ABCB11: variants seen among roughly 807,000 people sequenced by gnomAD.
ABCB11 encodes the protein ATP binding cassette subfamily B member 11.
In ABCB11, 95 loss-of-function variants were observed where a neutral mutation model predicts 148.0. That is an observed-to-expected ratio of 0.64 (90% CI 0.54 to 0.76). The LOEUF is 0.76. ABCB11 is among the 30% of genes least tolerant of loss of function. The probability of loss-of-function intolerance (pLI) is 0.00; values close to 1 mark genes in which losing one functional copy is unlikely to be tolerated. For synonymous variants in ABCB11, 591 were observed against 555.4 expected (o/e 1.06, Z -0.90); for missense variants, 1,523 against 1,617.8 (o/e 0.94, Z 1.01).
Position 168,930,830 on chromosome 2 carries a change from A to G in ABCB11, c.3246T>C (p.Asp1082=), listed in dbSNP as rs750944055. The change falls in exon 25 of 28, where the codon GAT becomes GAC. Residue 1082 remains aspartate, a synonymous_variant. Transcript: ENST00000650372. ...GTCGAGAAGGATATGTAAATTTACA[A>G]TCAACAAAATCAATCTTCCCCTGGA... ...DNFQGKIDFV[D]CKFTYPSRPD... 10 of 1,607,218 alleles carry G rather than the reference A, an allele frequency of 6.2e-6. No individual in the cohort carries two copies. In the Admixed American group the frequency reaches 1.4e-4, roughly 22 times the overall value.
At chr2:168,993,395 T>A (rs1290178563) in intron 8 of ABCB11, among the ~76,000 whole-genome samples, 4 of 152,076 alleles carry the variant, frequency 2.6e-5, no homozygotes, top group Admixed American at 2.0e-4. Context: ...TTTAAAATGA[T>A]GTTAGTGCTC....
chr2:168,970,615 A>C (rs1048580215), intron 14 of ABCB11: 1 of 318,696 alleles, frequency 3.1e-6, no homozygotes, highest in South Asian at 2.7e-5. Flanking sequence ...TTTTTACATT[A>C]TGAATAAAAG....
At chr2:168,932,562 A>T in intron 23 of ABCB11, 29 bp from the exon 24 acceptor site, 1 of 1,609,500 alleles carries the variant, frequency 6.2e-7, no homozygotes, top group East Asian at 2.2e-5. Context: ...ACAGGAAGAG[A>T]GCAGGGTGGC....
chr2:168,983,084 CAG>C (rs1350258459), intron 10 of ABCB11, among the ~76,000 whole-genome samples: 4 of 152,134 alleles, frequency 2.6e-5, no homozygotes, highest in African/African-American at 9.7e-5. Context: ...ATTCCTACTA[CAG>C]AGAGTTACCA....
At chr2:168,982,800 A>G (rs575128246) in intron 10 of ABCB11, among the ~76,000 whole-genome samples, 44 of 151,464 alleles carry the variant, frequency 2.9e-4, no homozygotes, top group African/African-American at 1.1e-3. Flanking sequence ...GAGAGAGAGA[A>G]GAGAGAGAGA....
At chr2:169,017,928 A>T in intron 2 of ABCB11, 122 bp downstream of exon 2, 1 of 837,098 alleles carries the variant, frequency 1.2e-6, no homozygotes, top group Non-Finnish European at 2.1e-6. Flanking sequence ...AGAATCACAC[A>T]CAATGATACT....
At chr2:168,932,145 A>C (rs904605090) in intron 24 of ABCB11, among the ~76,000 whole-genome samples, 4 of 152,092 alleles carry the variant, frequency 2.6e-5, no homozygotes, top group African/African-American at 7.2e-5. Flanking sequence ...TCCTAATGCT[A>C]TCCCTCCCCT....
downstream of ABCB11, among the ~76,000 whole-genome samples, chr2:168,918,309 A>G (rs116345676): frequency 3.9e-3 from 596 of 152,358 alleles, 8 homozygotes; most frequent in Middle Eastern, 0.01. Flanking sequence ...CTCTGCCCTC[A>G]AAGACCATCA....
At chr2:168,983,863 G>A (rs1694220468) in intron 10 of ABCB11, among the ~76,000 whole-genome samples, 1 of 152,030 alleles carries the variant, frequency 6.6e-6, no homozygotes, top group African/African-American at 2.4e-5. Flanking sequence ...GATATAAAAC[G>A]ACTCCCTATT....
intron 10 of ABCB11, among the ~76,000 whole-genome samples, chr2:168,983,013 A>G (rs1432407592): frequency 6.6e-6 from 1 of 152,180 alleles, no homozygotes; most frequent in Non-Finnish European, 1.5e-5. Flanking sequence ...ATTATTTACA[A>G]AAGTAGAGTA....
intron 6 of ABCB11, among the ~76,000 whole-genome samples, chr2:168,995,781 G>A (rs921139877): frequency 6.6e-6 from 1 of 151,706 alleles, no homozygotes; most frequent in Non-Finnish European, 1.5e-5. Context: ...TGTGAAAGAA[G>A]GCTCACAGCA....
chr2:169,021,694 T>TA (rs1695544359), intron 1 of ABCB11, among the ~76,000 whole-genome samples: 2 of 152,106 alleles, frequency 1.3e-5, no homozygotes, highest in African/African-American at 2.4e-5. Context: ...ACTTTCTAAG[T>TA]AAAAAAAGAT....
At chr2:168,945,375 C>T (rs1382714850) in intron 19 of ABCB11, among the ~76,000 whole-genome samples, 1 of 151,998 alleles carries the variant, frequency 6.6e-6, no homozygotes, top group East Asian at 1.9e-4. Context: ...GTACTACAGT[C>T]CTCTGTGGGG....
chr2:168,996,530 T>C, intron 6 of ABCB11, 105 bp downstream of exon 6: 1 of 556,558 alleles, frequency 1.8e-6, no homozygotes, highest in Non-Finnish European at 2.9e-6. Context: ...AGACTGTAGT[T>C]CTTAGGGCTT....
chr2:168,991,934 C>T (rs1694537014), intron 8 of ABCB11, among the ~76,000 whole-genome samples: 1 of 149,474 alleles, frequency 6.7e-6, no homozygotes, highest in Non-Finnish European at 1.5e-5. Flanking sequence ...AACTCCTGTA[C>T]TCAAGCATTT....
At chr2:168,942,791 G>A (rs1692127860) in intron 21 of ABCB11, among the ~76,000 whole-genome samples, 1 of 151,672 alleles carries the variant, frequency 6.6e-6, no homozygotes, top group African/African-American at 2.4e-5. Flanking sequence ...AAACAATAAG[G>A]TTTTAAATAG....
chr2:169,016,487 T>A (rs547280690), intron 3 of ABCB11, among the ~76,000 whole-genome samples: 1 of 152,172 alleles, frequency 6.6e-6, no homozygotes, highest in Non-Finnish European at 1.5e-5. Flanking sequence ...ACCTCTCCAA[T>A]GCCCATGAAA....
intron 11 of ABCB11, among the ~76,000 whole-genome samples, chr2:168,977,953 T>C (rs1003745446): frequency 3.3e-5 from 5 of 152,102 alleles, no homozygotes; most frequent in Non-Finnish European, 5.9e-5. Flanking sequence ...CCAAACCATA[T>C]CAATCACTTT....
At position 168,969,412 on chromosome 2, in the gene ABCB11, T is replaced by A. The variant is rs1693469223; in HGVS notation, c.1949A>T (p.Tyr650Phe). The change falls in exon 16 of 28, where the codon TAC becomes TTC. Residue 650 changes from tyrosine (Y) to phenylalanine (F), a missense_variant. Coordinates refer to ENST00000650372, the MANE Select transcript of ABCB11 (RefSeq NM_003742.4). ...HEELLERKGVYFTLVTLQSQG... is the reference protein window; with the variant it reads ...HEELLERKGVFFTLVTLQSQG... ...GCTTTGCAAAGTCACTAGAGTGAAG[T>A]AAACACCTTTCCTTTCCAGTAATTC... is the stretch of plus-strand genomic sequence containing the variant. 1 of 1,612,512 alleles carries A rather than the reference T, an allele frequency of 6.2e-7. No individual in the cohort carries two copies. The highest frequency in any genetic ancestry group is 8.5e-7 in the Non-Finnish European group (1 of 1,179,278).
Sources: gnomAD v4.1 joint callset for allele counts (sites outside exome capture counted in the v4.1 genomes callset) on GRCh38, gnomAD v4.1.1 for gene constraint, MANE v1.5 for transcripts, NCBI Gene and HGNC (gene_info 2026-07-23, HGNC 2026-07-21) for gene names.